HSD17B13: variants seen among roughly 807,000 people sequenced by gnomAD.
The protein encoded by HSD17B13 is 17-beta-hydroxysteroid dehydrogenase 13.
Under a neutral mutation model 31.1 loss-of-function variants are expected in HSD17B13, and 26 were observed. The ratio of observed to expected loss-of-function variants is 0.84; its 90% CI spans 0.61 to 1.16. The LOEUF (loss-of-function observed/expected upper bound fraction) is 1.16. Ranked by LOEUF, HSD17B13 falls within the 50% of genes most tolerant of loss-of-function variation. HSD17B13 has a pLI of 0.00. For missense variants in HSD17B13, 374 were observed against 366.5 expected (o/e 1.02, Z -0.17); for synonymous variants, 141 against 133.7 (o/e 1.05, Z -0.38).
intron 4 of HSD17B13, 50 bp downstream of exon 4, chr4:87,315,443 C>T (rs1307356514): frequency 1.9e-6 from 2 of 1,072,794 alleles, no homozygotes; most frequent in Non-Finnish European, 2.8e-6. Flanking sequence ...AAGTGTAATG[C>T]TCCCTTCAAA....
intron 5 of HSD17B13, among the ~76,000 whole-genome samples, chr4:87,312,927 G>A (rs1372940605): frequency 6.6e-6 from 1 of 151,480 alleles, no homozygotes; most frequent in African/African-American, 2.4e-5. Flanking sequence ...AGGCGTGGTG[G>A]TGGGCGCCTG....
At chr4:87,312,089 C>G (rs1293701434) in intron 5 of HSD17B13, among the ~76,000 whole-genome samples, 1 of 152,154 alleles carries the variant, frequency 6.6e-6, no homozygotes, top group African/African-American at 2.4e-5. Context: ...TTACTCCCCT[C>G]ATCTATCATG....
At chr4:87,307,800 C>G (rs1274372025) in intron 6 of HSD17B13, among the ~76,000 whole-genome samples, 1 of 152,176 alleles carries the variant, frequency 6.6e-6, no homozygotes, top group African/African-American at 2.4e-5. Context: ...CACACCCGGC[C>G]TAGTCAACTC....
In HSD17B13 at chr4:87,322,697, C is replaced by A; in HGVS notation, c.145G>T (p.Gly49Cys). ...VLITGAGHGI[G>C]RQTTYEFAKR... ...GCAAATTCATAAGTAGTCTGCCTGC[C>A]TATTCCATGCCCAGCTCCAGTAATG... The change falls in exon 1 of 7, where the codon GGC becomes TGC. Residue 49 changes from glycine to cysteine, a missense_variant. Physicochemically the swap from Gly to Cys is radical, Grantham distance 159. Transcript: ENST00000328546. The A allele has an allele frequency of 6.2e-7, 1 of 1,614,180 alleles. No homozygotes were observed. The highest frequency in any genetic ancestry group is 8.5e-7 in the Non-Finnish European group (1 of 1,180,034).
At chr4:87,307,690 G>T (rs1252784442) in intron 6 of HSD17B13, among the ~76,000 whole-genome samples, 3 of 151,952 alleles carry the variant, frequency 2.0e-5, no homozygotes, top group Non-Finnish European at 4.4e-5. Flanking sequence ...TAGTAGAGCT[G>T]AGGTTTCACC....
Position 87,304,318 on chromosome 4 carries a change from A to AAAAAC in HSD17B13, c.*895_*899dup, listed in dbSNP as rs373629300. 4.5e-4 allele frequency: 70 copies of AAAAAC among 156,692 alleles called. 1 individual carries two copies. Among genetic ancestry groups the AAAAAC allele is most frequent in the Middle Eastern group, 6.5e-3 (2 of 310 alleles). 9.7% of individuals were successfully genotyped at this position (156,692 alleles called of 1,614,324 possible). The stretch of plus-strand genomic sequence containing the variant: ...AGTGAGACTCCATCTCAAAAAAACA[A>AAAAAC]AAAACAAAACAAAACAAAACAAAAA... On this transcript the variant is annotated 3_prime_UTR_variant, in exon 7 of 7. Coordinates refer to ENST00000328546, the MANE Select transcript of HSD17B13 (RefSeq NM_178135.5).
At position 87,313,868 on chromosome 4, in the gene HSD17B13, C is replaced by A; in HGVS notation, c.650G>T (p.Cys217Phe). Residue 217 changes from cysteine to phenylalanine, a missense_variant, in exon 5 of 7, where the codon TGC (cysteine) becomes TTC (phenylalanine). Coordinates refer to ENST00000328546, the MANE Select transcript of HSD17B13 (RefSeq NM_178135.5). Reference protein sequence around the residue: ...GKTGIKTSCLCPVFVNTGFTK... With the variant: ...GKTGIKTSCLFPVFVNTGFTK... ...GAACCCAGTATTCACAAAAACTGGG[C>A]AGAGACATGAGGTTTTGATACCAGT... 1 of 1,612,172 alleles carries A rather than the reference C, an allele frequency of 6.2e-7. No individual in the cohort carries two copies. Among genetic ancestry groups the A allele is most frequent in the African/African-American group, 1.3e-5 (1 of 74,814 alleles).
intron 5 of HSD17B13, among the ~76,000 whole-genome samples, chr4:87,311,601 G>A (rs1002343844): frequency 1.3e-5 from 2 of 152,038 alleles, no homozygotes; most frequent in Non-Finnish European, 2.9e-5. Flanking sequence ...ATAAACATAG[G>A]CTTAGTGTAG....
Position 87,322,652 on chromosome 4 carries a change from C to T in HSD17B13, c.190G>A (p.Val64Ile), listed in dbSNP as rs779827909. Residue 64 changes from valine (V) to isoleucine (I), a missense_variant, in exon 1 of 7, where the codon GTT (valine) becomes ATT (isoleucine). Physicochemically the swap from Val to Ile is conservative, Grantham distance 29. Coordinates refer to ENST00000328546, the MANE Select transcript of HSD17B13 (RefSeq NM_178135.5). ...YEFAKRQSILVLWDINKRGVE... is the reference protein window; with the variant it reads ...YEFAKRQSILILWDINKRGVE... ...ATTACCTTATTAATATCCCACAGAACCAATATGCTCTGTCGTTTTGCAAAT... is the reference window on the plus strand; with the variant it reads ...ATTACCTTATTAATATCCCACAGAATCAATATGCTCTGTCGTTTTGCAAAT... The T allele has an allele frequency of 1.2e-6, 2 of 1,613,220 alleles. No homozygotes were observed. The highest frequency in any genetic ancestry group is 1.7e-6 in the Non-Finnish European group (2 of 1,179,156).
At position 87,313,577 on chromosome 4, in the gene HSD17B13, T is replaced by C. The variant is rs554881911; in HGVS notation, c.695+246A>G. 6.6e-5 allele frequency among the ~76,000 whole-genome samples: 10 copies of C among 152,258 alleles called. No individual in the cohort carries two copies. The South Asian group carries it at 2.1e-3, about 32-fold the overall frequency. Reference sequence around the variant, plus strand: ...TTTAAAGACAGGGTGGTAACGGTGATCAAATGTATGTGCTTTCTCCCGGAC... The same window carrying C: ...TTTAAAGACAGGGTGGTAACGGTGACCAAATGTATGTGCTTTCTCCCGGAC... On this transcript the variant is annotated intron_variant, in intron 5 of 6. Coordinates refer to ENST00000328546, the MANE Select transcript of HSD17B13 (RefSeq NM_178135.5).
At chr4:87,306,457 T>C (rs1225518228) in intron 6 of HSD17B13, among the ~76,000 whole-genome samples, 1 of 152,238 alleles carries the variant, frequency 6.6e-6, no homozygotes, top group Non-Finnish European at 1.5e-5. Context: ...GCTGATAGGC[T>C]AAAATGGTCA....
chr4:87,305,482 CT>C lies in HSD17B13; in HGVS notation c.813-175del, dbSNP rs199708469. Among the ~76,000 whole-genome samples, 1,268 of 145,280 alleles carry C rather than the reference CT, an allele frequency of 8.7e-3. 15 individuals are homozygous for C. The highest frequency in any genetic ancestry group is 0.027 in the African/African-American group (1,061 of 39,470). ...CTTTTACGTGTGCATCTTTCTTTTT[CT>C]TTTTTTTTTTTGACATAACTTCATA... On this transcript the variant is annotated intron_variant, in intron 6 of 6. Coordinates refer to ENST00000328546, the MANE Select transcript of HSD17B13 (RefSeq NM_178135.5).
intron 1 of HSD17B13, among the ~76,000 whole-genome samples, chr4:87,321,425 T>C (rs1734785962): frequency 6.6e-6 from 1 of 152,186 alleles, no homozygotes; most frequent in Admixed American, 6.5e-5. Flanking sequence ...TATAGCCCTT[T>C]CCCCAAAAAT....
Position 87,322,664 on chromosome 4 carries a change from G to C in HSD17B13, c.178C>G (p.Gln60Glu), listed in dbSNP as rs200528299. 80 of 1,613,842 alleles carry C rather than the reference G, an allele frequency of 5.0e-5. No homozygotes were observed. Among genetic ancestry groups the C allele is most frequent in the Admixed American group, 1.7e-5 (1 of 60,000 alleles). ...ATATCCCACAGAACCAATATGCTCT[G>C]TCGTTTTGCAAATTCATAAGTAGTC... is the stretch of plus-strand genomic sequence containing the variant. ...RQTTYEFAKR[Q>E]SILVLWDINK... The change falls in exon 1 of 7, where the codon CAG (glutamine) becomes GAG (glutamate). Residue 60 changes from glutamine to glutamate, a missense_variant. Physicochemically the swap from Gln to Glu is conservative, Grantham distance 29. Transcript: ENST00000328546.
chr4:87,305,442 C>T, intron 6 of HSD17B13, 134 bp from the exon 7 acceptor site: 1 of 479,184 alleles, frequency 2.1e-6, no homozygotes, highest in African/African-American at 2.0e-5. Flanking sequence ...CTTTTCTTCT[C>T]TTGCAACCAC....
intron 5 of HSD17B13, among the ~76,000 whole-genome samples, chr4:87,312,451 T>TC (rs1474851484): frequency 6.6e-6 from 1 of 151,040 alleles, no homozygotes; most frequent in East Asian, 2.0e-4. Context: ...AAAGGGCTGC[T>TC]CTCAGGCTAT....
At chr4:87,313,307 C>T (rs548105992) in intron 5 of HSD17B13, among the ~76,000 whole-genome samples, 1 of 152,254 alleles carries the variant, frequency 6.6e-6, no homozygotes, top group African/African-American at 2.4e-5. Context: ...AATCATTAAG[C>T]TTAGTATATT....
In HSD17B13 at chr4:87,305,295, G is replaced by T. The variant is rs147097523; in HGVS notation, c.826C>A (p.Arg276Ser). 54 of 1,600,530 alleles carry T rather than the reference G, an allele frequency of 3.4e-5. No individual in the cohort carries two copies. In the Admixed American group the frequency reaches 9.2e-4, roughly 27 times the overall value. ...FLRLQKFLPE[R>S]ASAILNRMQN... is the part of the protein sequence containing the mutation. ...ATACGATTTAAAATCGCTGAGGCGC[G>T]TTCAGGAAGAAACCTGTACAAAAAA... is the stretch of plus-strand genomic sequence containing the variant. Residue 276 changes from arginine to serine, a missense_variant, in exon 7 of 7, where the codon CGC becomes AGC. Coordinates refer to ENST00000328546, the MANE Select transcript of HSD17B13 (RefSeq NM_178135.5).
intron 5 of HSD17B13, among the ~76,000 whole-genome samples, chr4:87,312,686 C>T (rs918759428): frequency 2.0e-5 from 3 of 151,326 alleles, no homozygotes; most frequent in Non-Finnish European, 3.0e-5. Flanking sequence ...CCCGCCACCA[C>T]GCCCGGCTAA....
Sources: allele counts gnomAD v4.1 joint callset (sites outside exome capture counted in the v4.1 genomes callset), GRCh38; gene constraint gnomAD v4.1.1; transcripts MANE v1.5; gene names NCBI Gene and HGNC (gene_info 2026-07-23, HGNC 2026-07-21).